Variants in PRKN observed in about 807,000 individuals in gnomAD.
The protein encoded by PRKN is parkin RBR E3 ubiquitin protein ligase.
A neutral mutation model predicts 59.5 loss-of-function variants in PRKN; 56 were observed. The observed-to-expected ratio is 0.94, with a 90% CI of 0.76 to 1.18. PRKN has a LOEUF of 1.18. Ranked by LOEUF, PRKN falls within the 50% of genes most tolerant of loss-of-function variation. The probability of loss-of-function intolerance (pLI) is 0.00; values close to 1 mark genes in which losing one functional copy is unlikely to be tolerated. For missense variants in PRKN, 657 were observed against 596.4 expected, an observed-to-expected ratio of 1.10 and a Z score of -1.06; for synonymous variants, 250 against 222.1, an observed-to-expected ratio of 1.13 and a Z score of -1.12.
intron 1 of PRKN, among the ~76,000 whole-genome samples, chr6:162,485,776 GCA>G (rs1792508725): frequency 6.6e-6 from 1 of 152,154 alleles, no homozygotes. Flanking sequence ...CTACTGGAGT[GCA>G]CAGACACAGG....
chr6:161,680,746 TA>T (rs1562603571), intron 7 of PRKN, among the ~76,000 whole-genome samples: 158 of 8,592 alleles, frequency 0.018, 7 homozygotes, highest in Non-Finnish European at 0.032. Flanking sequence ...TATATATATA[TA>T]TATATATATA....
At chr6:162,143,137 C>A (rs1251308123) in intron 4 of PRKN, among the ~76,000 whole-genome samples, 1 of 152,190 alleles carries the variant, frequency 6.6e-6, no homozygotes, top group Non-Finnish European at 1.5e-5. Context: ...TATTTTTCTC[C>A]TTCTTCCTTG....
intron 9 of PRKN, among the ~76,000 whole-genome samples, chr6:161,433,524 A>T (rs1788745253): frequency 6.6e-6 from 1 of 152,172 alleles, no homozygotes; most frequent in Admixed American, 6.5e-5. Context: ...TGACCAATAA[A>T]ATATTTTCAA....
At chr6:161,635,624 C>G (rs1205789041) in intron 7 of PRKN, among the ~76,000 whole-genome samples, 1 of 152,200 alleles carries the variant, frequency 6.6e-6, no homozygotes, top group Non-Finnish European at 1.5e-5. Flanking sequence ...GGATTTTATG[C>G]AAAGCTATCT....
At position 162,579,549 on chromosome 6, in the gene PRKN, A is replaced by C. The variant is rs867822091; in HGVS notation, c.8-136076T>G. Reference sequence around the variant, plus strand: ...CAGATTCTCATACACACTTTCACACACATATCCAGATTCACACACAGATTT... The same window carrying C: ...CAGATTCTCATACACACTTTCACACCCATATCCAGATTCACACACAGATTT... On this transcript the variant is annotated intron_variant, in intron 1 of 11. Coordinates refer to ENST00000366898, the MANE Select transcript of PRKN (RefSeq NM_004562.3). Among the ~76,000 whole-genome samples the C allele has an allele frequency of 1.5e-4, 23 of 152,188 alleles. 1 individual carries two copies. Among genetic ancestry groups the C allele is most frequent in the Middle Eastern group, 3.4e-3 (1 of 294 alleles).
intron 6 of PRKN, among the ~76,000 whole-genome samples, chr6:161,916,876 G>A (rs2128238142): frequency 6.6e-6 from 1 of 152,226 alleles, no homozygotes. Context: ...TCGGTTCACT[G>A]CAAGCTCCGC....
rs961926931 is a variant in PRKN, at chr6:161,529,100, C to T, written c.1083+19754G>A. 6.6e-6 allele frequency among the ~76,000 whole-genome samples: 1 copy of T among 152,056 alleles called. No individual in the cohort carries two copies. The highest frequency in any genetic ancestry group is 1.9e-4 in the East Asian group (1 of 5,186). On this transcript the variant is annotated intron_variant, in intron 9 of 11. Coordinates refer to ENST00000366898, the MANE Select transcript of PRKN (RefSeq NM_004562.3). The surrounding 1 kb of genome is among the most constrained non-coding windows in gnomAD (Gnocchi z 4.4). ...AGCTGTCTTATGTCTATGAGATATA[C>T]GAGCCACAACCACAGACTCTACGCT...
intron 6 of PRKN, among the ~76,000 whole-genome samples, chr6:161,806,292 G>A (rs927573554): frequency 1.4e-4 from 21 of 152,232 alleles, no homozygotes; most frequent in African/African-American, 4.1e-4. Flanking sequence ...TGGAACTGAC[G>A]GGCCCTGATA....
intron 7 of PRKN, among the ~76,000 whole-genome samples, chr6:161,646,896 T>C (rs1783976804): frequency 6.6e-6 from 1 of 152,172 alleles, no homozygotes; most frequent in Non-Finnish European, 1.5e-5. Flanking sequence ...TTTTAAAAAA[T>C]TCATACTAAA....
chr6:161,898,985 C>T (rs1777773803), intron 6 of PRKN, among the ~76,000 whole-genome samples: 1 of 152,208 alleles, frequency 6.6e-6, no homozygotes, highest in Non-Finnish European at 1.5e-5. Flanking sequence ...AAGTCAAGGG[C>T]AAAAGGGCAG....
At chr6:162,153,083 T>G (rs1479629491) in intron 4 of PRKN, among the ~76,000 whole-genome samples, 1 of 152,232 alleles carries the variant, frequency 6.6e-6, no homozygotes, top group African/African-American at 2.4e-5. Flanking sequence ...ATCACAAGTG[T>G]TCAAGGCTAG....
intron 4 of PRKN, among the ~76,000 whole-genome samples, chr6:162,092,094 TC>T (rs1285426029): frequency 6.6e-6 from 1 of 152,080 alleles, no homozygotes; most frequent in Non-Finnish European, 1.5e-5. Flanking sequence ...AGTGGCTCAC[TC>T]CTGTAATCCA....
intron 2 of PRKN, among the ~76,000 whole-genome samples, chr6:162,368,268 C>T (rs7769367): frequency 0.5 from 76,133 of 151,798 alleles, 19,444 homozygotes; most frequent in African/African-American, 0.53. Flanking sequence ...GGGTCAAAAC[C>T]GGGCTTCTTA....
intron 7 of PRKN, among the ~76,000 whole-genome samples, chr6:161,707,511 A>G (rs6921226): frequency 0.46 from 69,270 of 152,014 alleles, 16,207 homozygotes; most frequent in Admixed American, 0.61. Flanking sequence ...TAAATGCTCT[A>G]CATCAAAGTG....
chr6:162,072,149 G>A (rs545305316), intron 4 of PRKN, among the ~76,000 whole-genome samples: 18 of 152,178 alleles, frequency 1.2e-4, no homozygotes, highest in African/African-American at 2.6e-4. Flanking sequence ...CAGGCTGGGC[G>A]CGGTGGCTCA....
At chr6:162,198,533 T>C (rs149407211) in intron 4 of PRKN, among the ~76,000 whole-genome samples, 96 of 150,706 alleles carry the variant, frequency 6.4e-4, no homozygotes, top group African/African-American at 2.2e-3. Context: ...CATTTCTAAA[T>C]ATTTATGTTC....
chr6:162,575,128 C>T (rs1388845072), intron 1 of PRKN, among the ~76,000 whole-genome samples: 1 of 152,204 alleles, frequency 6.6e-6, no homozygotes, highest in Non-Finnish European at 1.5e-5. Context: ...AAGGCCTCTT[C>T]TATGCCATGG....
rs550946788 is a variant in PRKN at position 161,890,567 on chromosome 6, A to G, written c.734+82735T>C. 2.6e-5 allele frequency among the ~76,000 whole-genome samples: 4 copies of G among 152,258 alleles called. No homozygotes were observed. The South Asian group carries it at 8.3e-4, about 32-fold the overall frequency. ...TGCGGCCGGATTTAAGCCTTGGGGG[A>G]ATGCTGGAGAAAAGGTGGATGCTGT... is the stretch of plus-strand genomic sequence containing the variant. On this transcript the variant is annotated intron_variant, in intron 6 of 11. Transcript: ENST00000366898.
At chr6:162,609,052 T>A (rs1782034782) in intron 1 of PRKN, among the ~76,000 whole-genome samples, 1 of 152,158 alleles carries the variant, frequency 6.6e-6, no homozygotes. Flanking sequence ...TGCACCACCA[T>A]CTCAGCTTCT....
Sources: allele counts gnomAD v4.1 joint callset (sites outside exome capture counted in the v4.1 genomes callset), GRCh38; gene constraint gnomAD v4.1.1; non-coding constraint Gnocchi (gnomAD v3.1); transcripts MANE v1.5; gene names NCBI Gene and HGNC (gene_info 2026-07-23, HGNC 2026-07-21).